Variants in SGCZ observed in about 807,000 individuals in gnomAD.
SGCZ encodes the protein sarcoglycan zeta.
SGCZ carries 40 observed loss-of-function variants against 41.3 expected under a neutral mutation model. That is an observed-to-expected ratio of 0.97 (90% confidence interval 0.75 to 1.26). The LOEUF (loss-of-function observed/expected upper bound fraction) is 1.26. Among genes scored for constraint, SGCZ ranks in the 50% most tolerant of loss-of-function variants. The pLI, the probability that SGCZ is intolerant of heterozygous loss-of-function variation, is 0.00. For missense variants in SGCZ, 552 were observed against 369.8 expected (o/e 1.49, Z -4.04); for synonymous variants, 206 against 137.5 (o/e 1.50, Z -3.49).
chr8:14,666,700 A>G (rs1434791793), intron 1 of SGCZ, among the ~76,000 whole-genome samples: 1 of 151,926 alleles, frequency 6.6e-6, no homozygotes, highest in East Asian at 1.9e-4. Flanking sequence ...AAAAAAAAAA[A>G]AGAATTGAAT....
intron 1 of SGCZ, among the ~76,000 whole-genome samples, chr8:15,118,094 G>T (rs78945676): frequency 1.3e-4 from 20 of 152,268 alleles, no homozygotes; most frequent in African/African-American, 4.1e-4. Flanking sequence ...TTGATATTTA[G>T]TTGCGGTAAA....
At chr8:14,553,031 A>G (rs946102745) in intron 2 of SGCZ, among the ~76,000 whole-genome samples, 5 of 152,040 alleles carry the variant, frequency 3.3e-5, no homozygotes, top group South Asian at 2.1e-4. Flanking sequence ...TAGTTAAAAA[A>G]TGAGGCTGAA....
At chr8:14,740,340 G>T (rs947989026) in intron 1 of SGCZ, among the ~76,000 whole-genome samples, 4 of 151,994 alleles carry the variant, frequency 2.6e-5, no homozygotes, top group African/African-American at 9.7e-5. Context: ...GCTACACCAG[G>T]ACGGGTTTAC....
At chr8:14,883,551 C>T (rs1563337315) in intron 1 of SGCZ, among the ~76,000 whole-genome samples, 1 of 152,082 alleles carries the variant, frequency 6.6e-6, no homozygotes. Flanking sequence ...ACAGAATTCA[C>T]TTGTCCAAGA....
intron 1 of SGCZ, among the ~76,000 whole-genome samples, chr8:14,559,757 A>T (rs1804151791): frequency 6.6e-6 from 1 of 152,142 alleles, no homozygotes; most frequent in East Asian, 1.9e-4. Context: ...AAATATCATA[A>T]TTTTAAATGA....
At chr8:14,482,178 G>A (rs1025682611) in intron 2 of SGCZ, among the ~76,000 whole-genome samples, 1 of 152,122 alleles carries the variant, frequency 6.6e-6, no homozygotes. Flanking sequence ...TCCATCCCTG[G>A]TTCTAATATC....
intron 1 of SGCZ, among the ~76,000 whole-genome samples, chr8:14,989,560 G>C (rs899278477): frequency 6.6e-6 from 1 of 151,740 alleles, no homozygotes; most frequent in East Asian, 1.9e-4. Flanking sequence ...GGTAAGCAAC[G>C]TGCTCAGAGC....
chr8:15,066,250 G>A (rs901541688), intron 1 of SGCZ, among the ~76,000 whole-genome samples: 5 of 150,514 alleles, frequency 3.3e-5, no homozygotes, highest in Admixed American at 1.3e-4. Context: ...GGAGCTTGCC[G>A]TGAGCCGAGA....
intron 1 of SGCZ, among the ~76,000 whole-genome samples, chr8:14,757,514 C>T (rs1236621090): frequency 2.6e-5 from 4 of 152,172 alleles, no homozygotes; most frequent in African/African-American, 9.7e-5. Context: ...ATAGAAACCT[C>T]AGAGCAGTCT....
intron 1 of SGCZ, among the ~76,000 whole-genome samples, chr8:14,737,749 G>A (rs189186951): frequency 1.4e-4 from 21 of 152,046 alleles, no homozygotes; most frequent in African/African-American, 4.8e-4. Context: ...TATTGGATTC[G>A]AGCCTGTGCT....
intron 1 of SGCZ, among the ~76,000 whole-genome samples, chr8:14,621,536 T>A (rs1043327050): frequency 1.3e-5 from 2 of 151,832 alleles, no homozygotes; most frequent in African/African-American, 2.4e-5. Flanking sequence ...GAAAATAGGT[T>A]TAATTGACTC....
intron 5 of SGCZ, among the ~76,000 whole-genome samples, chr8:14,114,872 T>G (rs979909280): frequency 2.0e-5 from 3 of 151,964 alleles, no homozygotes; most frequent in Non-Finnish European, 4.4e-5. Context: ...ATTTATTATT[T>G]CTATTCCTTT....
At chr8:14,904,655 G>C (rs1190007374) in intron 1 of SGCZ, among the ~76,000 whole-genome samples, 2 of 151,964 alleles carry the variant, frequency 1.3e-5, no homozygotes, top group Non-Finnish European at 2.9e-5. Context: ...TTTAGTGAAA[G>C]AGATTCTCTC....
chr8:14,573,697 T>G (rs962324938), intron 1 of SGCZ, among the ~76,000 whole-genome samples: 6 of 152,218 alleles, frequency 3.9e-5, no homozygotes, highest in Non-Finnish European at 8.8e-5. Flanking sequence ...AAAAAATTCT[T>G]TTAAATGCAT....
intron 2 of SGCZ, among the ~76,000 whole-genome samples, chr8:14,361,510 A>G (rs1803510359): frequency 6.6e-6 from 1 of 152,128 alleles, no homozygotes; most frequent in African/African-American, 2.4e-5. Flanking sequence ...AAGTTCTCAT[A>G]CTGTGGTTTT....
intron 1 of SGCZ, among the ~76,000 whole-genome samples, chr8:14,863,998 C>T (rs1207128253): frequency 6.6e-6 from 1 of 152,148 alleles, no homozygotes; most frequent in Non-Finnish European, 1.5e-5. Context: ...TAGAGAGCCT[C>T]TGACAAGTTT....
At chr8:14,346,381 CTT>C (rs1563270977) in intron 2 of SGCZ, among the ~76,000 whole-genome samples, 1 of 151,852 alleles carries the variant, frequency 6.6e-6, no homozygotes, top group Non-Finnish European at 1.5e-5. Flanking sequence ...ATTCTACTGA[CTT>C]TGTCTTATTT....
At chr8:14,604,907 A>G (rs1426862212) in intron 1 of SGCZ, among the ~76,000 whole-genome samples, 1 of 152,230 alleles carries the variant, frequency 6.6e-6, no homozygotes, top group East Asian at 1.9e-4. Flanking sequence ...CAGTTACTAC[A>G]GAGATTAAAT....
At chr8:14,557,520 T>G (rs1344007094) in intron 1 of SGCZ, among the ~76,000 whole-genome samples, 1 of 152,110 alleles carries the variant, frequency 6.6e-6, no homozygotes, top group Non-Finnish European at 1.5e-5. Context: ...CTGGAAGGAT[T>G]TTTCCAATGT....
Sources: allele counts gnomAD v4.1 joint callset (sites outside exome capture counted in the v4.1 genomes callset), GRCh38; gene constraint gnomAD v4.1.1; transcripts MANE v1.5; gene names NCBI Gene and HGNC (gene_info 2026-07-23, HGNC 2026-07-21).